ZFHX3: variants seen among roughly 807,000 people sequenced by gnomAD.
The protein encoded by ZFHX3 is zinc finger homeobox protein 3.
Under a neutral mutation model 279.1 loss-of-function variants are expected in ZFHX3, and 42 were observed. The ratio of observed to expected loss-of-function variants is 0.15; its 90% CI spans 0.12 to 0.19. The LOEUF (loss-of-function observed/expected upper bound fraction) is 0.19. ZFHX3 is among the 10% of genes least tolerant of loss of function. ZFHX3 has a pLI of 1.00. For missense variants in ZFHX3, 4,981 were observed against 4,754.0 expected, an observed-to-expected ratio of 1.05 and a Z score of -1.40; for synonymous variants, 2,293 against 1,957.8, an observed-to-expected ratio of 1.17 and a Z score of -4.52.
At chr16:73,855,685 C>A (rs536986470) in intron 1 of ZFHX3, among the ~76,000 whole-genome samples, 1 of 152,282 alleles carries the variant, frequency 6.6e-6, no homozygotes, top group Non-Finnish European at 1.5e-5. Context: ...AAAGCATTTA[C>A]TAGAACGTAG....
At chr16:73,018,311 A>G (rs933882602) in intron 1 of ZFHX3, among the ~76,000 whole-genome samples, 1 of 151,938 alleles carries the variant, frequency 6.6e-6, no homozygotes, top group Non-Finnish European at 1.5e-5. Flanking sequence ...ATCTTATAAA[A>G]TAAATTAACT....
chr16:73,576,523 A>C (rs2051801141), intron 2 of ZFHX3, among the ~76,000 whole-genome samples: 1 of 152,128 alleles, frequency 6.6e-6, no homozygotes, highest in Non-Finnish European at 1.5e-5. Flanking sequence ...GGGAGGAAAA[A>C]CGAGAAATGA....
At position 73,439,781 on chromosome 16, in the gene ZFHX3, T is replaced by A. The variant is rs150757239; in HGVS notation, c.-1291+16222A>T. ...TCTCTTTACGGGTGCTCCTTGGAGT[T>A]TGAGGGGCTCAGAGGTGTGTGGATT... On this transcript the variant is annotated intron_variant, in intron 3 of 17. Coordinates refer to the ZFHX3 transcript ENST00000641206. Among the ~76,000 whole-genome samples the A allele has an allele frequency of 4.6e-5, 7 of 151,956 alleles. No individual in the cohort carries two copies. The South Asian group carries it at 1.5e-3, about 32-fold the overall frequency.
chr16:73,204,885 G>A (rs1363345094), intron 5 of ZFHX3, among the ~76,000 whole-genome samples: 1 of 152,204 alleles, frequency 6.6e-6, no homozygotes, highest in Non-Finnish European at 1.5e-5. Context: ...CTTGCCCATA[G>A]TCGTTGCATG....
intron 4 of ZFHX3, among the ~76,000 whole-genome samples, chr16:72,868,742 G>C (rs1487624968): frequency 6.6e-6 from 1 of 152,206 alleles, no homozygotes; most frequent in African/African-American, 2.4e-5. Context: ...CAGGCACAGA[G>C]AGCCTCCTGG....
At chr16:73,562,743 T>C (rs1162836710) in intron 2 of ZFHX3, among the ~76,000 whole-genome samples, 4 of 151,728 alleles carry the variant, frequency 2.6e-5, no homozygotes, top group African/African-American at 4.8e-5. Flanking sequence ...GACAAAATTA[T>C]TTGGAAATAA....
intron 1 of ZFHX3, among the ~76,000 whole-genome samples, chr16:72,975,935 C>T (rs1228286616): frequency 6.6e-6 from 1 of 152,134 alleles, no homozygotes; most frequent in African/African-American, 2.4e-5. Flanking sequence ...TAAGACAGAA[C>T]AATTGAGTTT....
At chr16:73,454,554 A>C (rs1597341718) in intron 3 of ZFHX3, among the ~76,000 whole-genome samples, 4 of 137,968 alleles carry the variant, frequency 2.9e-5, no homozygotes, top group African/African-American at 2.7e-5. Context: ...CTGTTTCCTC[A>C]CTCTCACAGC....
chr16:73,303,434 C>T (rs539132531), intron 4 of ZFHX3, among the ~76,000 whole-genome samples: 15 of 152,306 alleles, frequency 9.8e-5, no homozygotes, highest in African/African-American at 3.1e-4. Flanking sequence ...CTATGATTCA[C>T]ATTCCGGAGG....
intron 5 of ZFHX3, among the ~76,000 whole-genome samples, chr16:73,175,124 A>G (rs1272951589): frequency 6.6e-6 from 1 of 151,932 alleles, no homozygotes; most frequent in Non-Finnish European, 1.5e-5. Flanking sequence ...TTACACCTCT[A>G]ATTCCAGCAC....
chr16:72,826,052 C>A (rs972827267), intron 5 of ZFHX3, among the ~76,000 whole-genome samples: 1 of 152,152 alleles, frequency 6.6e-6, no homozygotes, highest in African/African-American at 2.4e-5. Context: ...AATTTGTGAT[C>A]AGTGGAACTC....
chr16:73,498,498 T>C (rs1033165008), intron 2 of ZFHX3, among the ~76,000 whole-genome samples: 6 of 152,226 alleles, frequency 3.9e-5, no homozygotes, highest in African/African-American at 1.4e-4. Context: ...TCAAAAGACC[T>C]GGAACCTTGG....
Position 73,889,686 on chromosome 16 carries a change from C to G in ZFHX3, c.-1608+1965G>C, listed in dbSNP as rs79558827. Among the ~76,000 whole-genome samples the G allele has an allele frequency of 5.6e-4, 85 of 152,222 alleles. No homozygotes were observed. In the East Asian group the frequency reaches 0.015, roughly 28 times the overall value. ...TTAAAACACCCACTGCCTACCGGAC[C>G]CCAGTGTATGGGTTAATTCTCACAC... On this transcript the variant is annotated intron_variant, in intron 1 of 17. Coordinates refer to the ZFHX3 transcript ENST00000641206.
rs542270405 is a variant in ZFHX3 at position 72,909,373 on chromosome 16, A to C, written c.3217-19411T>G. ...CATGACTGTGTTCCAATAAAACTTT[A>C]TTTATGGAGACAAATGGCTGGCTGT... On this transcript the variant is annotated intron_variant, in intron 3 of 9. Transcript: ENST00000268489. 3.3e-5 allele frequency among the ~76,000 whole-genome samples: 5 copies of C among 152,278 alleles called. No individual in the cohort carries two copies. In the East Asian group the frequency reaches 9.7e-4, roughly 29 times the overall value.
intron 4 of ZFHX3, among the ~76,000 whole-genome samples, chr16:73,261,833 G>A (rs1021304195): frequency 1.3e-5 from 2 of 151,820 alleles, no homozygotes; most frequent in African/African-American, 4.8e-5. Context: ...GCACCACCAC[G>A]CTCGGCGAAT....
chr16:73,183,751 T>C (rs956683948), intron 5 of ZFHX3, among the ~76,000 whole-genome samples: 5 of 152,132 alleles, frequency 3.3e-5, no homozygotes, highest in Non-Finnish European at 7.3e-5. Flanking sequence ...GTTTCCAGGG[T>C]GCGTCCTTAT....
chr16:72,881,488 A>G (rs1004100859), intron 4 of ZFHX3, among the ~76,000 whole-genome samples: 4 of 152,248 alleles, frequency 2.6e-5, no homozygotes, highest in Non-Finnish European at 5.9e-5. Context: ...CTATTTCTGT[A>G]CGCAGAGAGA....
chr16:72,906,529 C>T (rs1018882621), intron 3 of ZFHX3, among the ~76,000 whole-genome samples: 8 of 152,130 alleles, frequency 5.3e-5, no homozygotes, highest in Non-Finnish European at 1.2e-4. Flanking sequence ...GGCATGGTGG[C>T]TCACACCTAT....
chr16:73,103,969 A>C (rs1486473146), intron 7 of ZFHX3, among the ~76,000 whole-genome samples: 1 of 152,232 alleles, frequency 6.6e-6, no homozygotes, highest in African/African-American at 2.4e-5. Context: ...CTCTGATTCC[A>C]CTGGTCTATC....
Sources: gnomAD v4.1 joint callset for allele counts (sites outside exome capture counted in the v4.1 genomes callset) on GRCh38, gnomAD v4.1.1 for gene constraint, MANE v1.5 for transcripts, NCBI Gene and HGNC (gene_info 2026-07-23, HGNC 2026-07-21) for gene names.